The following ADAM10 variants were observed in gnomAD, a reference collection of about 807,000 sequenced individuals.
The protein encoded by ADAM10 is ADAM metallopeptidase domain 10, also known as disintegrin and metalloproteinase domain-containing protein 10.
A neutral mutation model predicts 90.1 loss-of-function variants in ADAM10; 17 were observed. The ratio of observed to expected loss-of-function variants is 0.19; its 90% CI spans 0.13 to 0.28. The LOEUF (loss-of-function observed/expected upper bound fraction) is 0.28, where lower values mean the gene tolerates loss of function less well. ADAM10 is among the 10% of genes least tolerant of loss of function. The probability of loss-of-function intolerance (pLI) is 1.00; values close to 1 mark genes in which losing one functional copy is unlikely to be tolerated. For synonymous variants in ADAM10, 310 were observed against 298.6 expected (o/e 1.04, Z -0.40); for missense variants, 610 against 914.3 (o/e 0.67, Z 4.29).
chr15:58,696,230 T>C (rs1195969383), intron 2 of ADAM10, among the ~76,000 whole-genome samples: 1 of 151,850 alleles, frequency 6.6e-6, no homozygotes, highest in East Asian at 1.9e-4. Flanking sequence ...GAGGTTGCAG[T>C]GGGCCAAGAT....
At chr15:58,694,508 T>C (rs530758883) in intron 2 of ADAM10, among the ~76,000 whole-genome samples, 14 of 152,048 alleles carry the variant, frequency 9.2e-5, no homozygotes, top group African/African-American at 3.4e-4. Context: ...GTAATCCCAG[T>C]ACTTTGGGAG....
chr15:58,613,870 C>T (rs1895523619), intron 11 of ADAM10, among the ~76,000 whole-genome samples: 1 of 152,176 alleles, frequency 6.6e-6, no homozygotes, highest in African/African-American at 2.4e-5. Flanking sequence ...AATGCCAGAA[C>T]TTTGGGAGGC....
intron 2 of ADAM10, among the ~76,000 whole-genome samples, chr15:58,696,478 T>C (rs1339116970): frequency 6.6e-6 from 1 of 150,560 alleles, no homozygotes; most frequent in Non-Finnish European, 1.5e-5. Context: ...TTTTTTTTTT[T>C]TCCCAAGATG....
chr15:58,714,292 TACACACACACACAC>T (rs71116591), intron 2 of ADAM10, among the ~76,000 whole-genome samples: 2 of 142,914 alleles, frequency 1.4e-5, no homozygotes, highest in African/African-American at 2.6e-5. Context: ...TACATACACA[TACACACACACACAC>T]ACACACACAC....
At chr15:58,692,450 C>T (rs556227768) in intron 2 of ADAM10, 2 of 535,672 alleles carry the variant, frequency 3.7e-6, no homozygotes, top group South Asian at 2.9e-5. Context: ...TCGGAACCCA[C>T]ATCTTCAGTC....
chr15:58,652,657 A>G (rs1279200370), intron 5 of ADAM10, among the ~76,000 whole-genome samples: 2 of 152,158 alleles, frequency 1.3e-5, no homozygotes. Context: ...TATAATCTGA[A>G]GTCAGGTAAT....
At chr15:58,700,961 T>C (rs12148175) in intron 2 of ADAM10, among the ~76,000 whole-genome samples, 58,324 of 145,536 alleles carry the variant, frequency 0.4, 13,837 homozygotes, top group Non-Finnish European at 0.55. Context: ...GCTATGATCA[T>C]GCCACTGCAC....
chr15:58,640,710 A>C, intron 8 of ADAM10, 67 bp downstream of exon 8: 1 of 1,474,194 alleles, frequency 6.8e-7, no homozygotes, highest in East Asian at 2.4e-5. Context: ...TTGAAAATTC[A>C]ACATTCTCTG....
At chr15:58,706,820 C>T (rs1455287429) in intron 2 of ADAM10, among the ~76,000 whole-genome samples, 10 of 151,142 alleles carry the variant, frequency 6.6e-5, no homozygotes, top group African/African-American at 9.7e-5. Context: ...ACCAGCCTGG[C>T]CAACATGGGG....
At chr15:58,597,882 T>A (rs374533081) in intron 15 of ADAM10, among the ~76,000 whole-genome samples, 2 of 152,236 alleles carry the variant, frequency 1.3e-5, no homozygotes, top group East Asian at 3.9e-4. Flanking sequence ...CATTTCAATA[T>A]ATAATCAATA....
intron 2 of ADAM10, among the ~76,000 whole-genome samples, chr15:58,687,512 A>C (rs1278921184): frequency 1.3e-5 from 2 of 152,118 alleles, no homozygotes; most frequent in Non-Finnish European, 2.9e-5. Flanking sequence ...CTTTTTTAGA[A>C]GGATACATTA....
At chr15:58,726,007 A>T (rs1348106882) in intron 1 of ADAM10, among the ~76,000 whole-genome samples, 1 of 152,226 alleles carries the variant, frequency 6.6e-6, no homozygotes, top group African/African-American at 2.4e-5. Flanking sequence ...TAATGAATAT[A>T]TAAGAAAATA....
chr15:58,702,614 A>C (rs1483248047), intron 2 of ADAM10, among the ~76,000 whole-genome samples: 1 of 152,224 alleles, frequency 6.6e-6, no homozygotes, highest in African/African-American at 2.4e-5. Context: ...TTTTAAAATA[A>C]TTTTTAAAAC....
At position 58,610,481 on chromosome 15, in the gene ADAM10, T is replaced by C. The variant is rs141701612; in HGVS notation, c.1841A>G (p.Gln614Arg). The change falls in exon 14 of 16, where the codon CAG (glutamine) becomes CGG (arginine). Residue 614 changes from glutamine to arginine, a missense_variant. Transcript: ENST00000260408. Reference protein sequence around the residue: ...PSTCASTGSVQWSRHFSGRTI... With the variant: ...PSTCASTGSVRWSRHFSGRTI... ...TCGACCACTGAAGTGCCTACTCCACTGCACAGACCCTGTACTGGCACAAGT... is the reference window on the plus strand; with the variant it reads ...TCGACCACTGAAGTGCCTACTCCACCGCACAGACCCTGTACTGGCACAAGT... 137 of 1,614,170 alleles carry C rather than the reference T, an allele frequency of 8.5e-5. No homozygotes were observed. In the African/African-American group the frequency reaches 1.7e-3, roughly 20 times the overall value.
intron 10 of ADAM10, among the ~76,000 whole-genome samples, chr15:58,624,398 C>T (rs767485510): frequency 3.3e-5 from 5 of 152,236 alleles, no homozygotes; most frequent in African/African-American, 7.2e-5. Flanking sequence ...TCACATGACA[C>T]GTAATTTATA....
At chr15:58,636,042 G>A (rs910415886) in intron 8 of ADAM10, among the ~76,000 whole-genome samples, 1 of 152,036 alleles carries the variant, frequency 6.6e-6, no homozygotes, top group Non-Finnish European at 1.5e-5. Flanking sequence ...TTTGGGTGGC[G>A]GCGGCAGGCG....
At chr15:58,685,537 TGAA>T (rs1333643402) in intron 2 of ADAM10, among the ~76,000 whole-genome samples, 6 of 127,956 alleles carry the variant, frequency 4.7e-5, no homozygotes, top group Middle Eastern at 4.3e-3. Flanking sequence ...AACAAGAATA[TGAA>T]GGAGAATATA....
chr15:58,734,705 TAAA>T (rs1217294864), intron 1 of ADAM10, among the ~76,000 whole-genome samples: 1 of 120,272 alleles, frequency 8.3e-6, no homozygotes, highest in African/African-American at 3.1e-5. Flanking sequence ...GTCTCAAAAT[TAAA>T]AAAAAAAAAA....
intron 10 of ADAM10, among the ~76,000 whole-genome samples, chr15:58,622,207 CAT>C (rs1895807025): frequency 6.6e-6 from 1 of 152,086 alleles, no homozygotes; most frequent in Non-Finnish European, 1.5e-5. Flanking sequence ...ATCACTATGA[CAT>C]AAAGTTTTTT....
Sources: gnomAD v4.1 joint callset for allele counts (sites outside exome capture counted in the v4.1 genomes callset) on GRCh38, gnomAD v4.1.1 for gene constraint, MANE v1.5 for transcripts, NCBI Gene and HGNC (gene_info 2026-07-23, HGNC 2026-07-21) for gene names.